ULK4: variants seen among roughly 807,000 people sequenced by gnomAD.
The protein encoded by ULK4 is inactive serine/threonine-protein kinase ULK4.
In ULK4, 133 loss-of-function variants were observed where a neutral mutation model predicts 160.6. The ratio of observed to expected loss-of-function variants is 0.83; its 90% confidence interval spans 0.72 to 0.96. The LOEUF (loss-of-function observed/expected upper bound fraction) is 0.96, where lower values mean the gene tolerates loss of function less well. Among genes scored for constraint, ULK4 ranks in the 40% least tolerant of loss-of-function variants. The pLI is 0.00. For synonymous variants in ULK4, 534 were observed against 539.8 expected (o/e 0.99, Z 0.15); for missense variants, 1,580 against 1,499.5 (o/e 1.05, Z -0.89).
intron 32 of ULK4, among the ~76,000 whole-genome samples, chr3:41,554,087 T>G (rs1211069658): frequency 1.3e-5 from 2 of 152,158 alleles, no homozygotes; most frequent in African/African-American, 4.8e-5. Context: ...CATGTGAAAT[T>G]TGTCTTCCCA....
At position 41,266,338 on chromosome 3, in the gene ULK4, C is replaced by G. The variant is rs186591341; in HGVS notation, c.3679-16764G>C. On this transcript the variant is annotated intron_variant, in intron 35 of 36. Transcript: ENST00000301831. ...CAGCAGAGCTATGGTCCAACTGAAT[C>G]TCTAATGGGTGAAGCTGATTCTAGA... 1.3e-3 allele frequency among the ~76,000 whole-genome samples: 198 copies of G among 152,328 alleles called. 1 individual carries two copies. Among genetic ancestry groups the G allele is most frequent in the Middle Eastern group, 0.01 (3 of 294 alleles).
At chr3:41,789,389 A>G (rs770199900) in intron 21 of ULK4, among the ~76,000 whole-genome samples, 2 of 152,216 alleles carry the variant, frequency 1.3e-5, no homozygotes, top group Non-Finnish European at 2.9e-5. Flanking sequence ...AAGAAATGCC[A>G]GCATATAGGA....
At chr3:41,266,639 C>T (rs938501251) in intron 35 of ULK4, among the ~76,000 whole-genome samples, 3 of 152,090 alleles carry the variant, frequency 2.0e-5, no homozygotes, top group African/African-American at 7.2e-5. Context: ...GAAGATTATC[C>T]AAAAAGGCTG....
At chr3:41,639,839 T>C (rs2034111806) in intron 30 of ULK4, among the ~76,000 whole-genome samples, 2 of 152,196 alleles carry the variant, frequency 1.3e-5, no homozygotes, top group Non-Finnish European at 2.9e-5. Context: ...AATTAAGATG[T>C]TAATCTGATA....
chr3:41,447,188 A>G (rs1168763674), intron 34 of ULK4, among the ~76,000 whole-genome samples: 2 of 151,840 alleles, frequency 1.3e-5, no homozygotes, highest in South Asian at 2.1e-4. Context: ...TCCACATTCA[A>G]TTCTTTCTTC....
At chr3:41,473,212 T>A (rs972521428) in intron 32 of ULK4, among the ~76,000 whole-genome samples, 1 of 152,084 alleles carries the variant, frequency 6.6e-6, no homozygotes, top group African/African-American at 2.4e-5. Context: ...GCCACTTATA[T>A]TGAACACAGT....
chr3:41,573,414 C>T (rs1367701862), intron 31 of ULK4, among the ~76,000 whole-genome samples: 2 of 152,100 alleles, frequency 1.3e-5, no homozygotes. Flanking sequence ...AAGGTAAATG[C>T]CACTGAAAGA....
chr3:41,501,920 C>T (rs2085223445), intron 32 of ULK4, among the ~76,000 whole-genome samples: 1 of 152,168 alleles, frequency 6.6e-6, no homozygotes, highest in South Asian at 2.1e-4. Flanking sequence ...CTTTTCTGTA[C>T]TACACATATA....
At chr3:41,920,692 T>C (rs1699152080) in intron 5 of ULK4, among the ~76,000 whole-genome samples, 1 of 152,072 alleles carries the variant, frequency 6.6e-6, no homozygotes. Context: ...TCTCCAATGA[T>C]TTGGAAACAA....
chr3:41,292,310 A>T (rs2079582587), intron 35 of ULK4, among the ~76,000 whole-genome samples: 1 of 152,200 alleles, frequency 6.6e-6, no homozygotes, highest in Non-Finnish European at 1.5e-5. Context: ...TTCCCACTTA[A>T]TAAACAGAGG....
intron 35 of ULK4, among the ~76,000 whole-genome samples, chr3:41,390,202 G>A (rs2081925895): frequency 6.6e-6 from 1 of 152,066 alleles, no homozygotes. Context: ...GTATTTCTGT[G>A]GGATTGGTGG....
At chr3:41,666,609 G>A (rs891365201) in intron 29 of ULK4, among the ~76,000 whole-genome samples, 2 of 152,074 alleles carry the variant, frequency 1.3e-5, no homozygotes, top group African/African-American at 4.8e-5. Flanking sequence ...CGTGTACCCT[G>A]GATAACCAGC....
intron 25 of ULK4, among the ~76,000 whole-genome samples, chr3:41,709,389 G>A (rs943149490): frequency 1.3e-5 from 2 of 151,910 alleles, no homozygotes; most frequent in Non-Finnish European, 2.9e-5. Context: ...AGTTTGTTTG[G>A]TTTTGTTTTG....
intron 35 of ULK4, among the ~76,000 whole-genome samples, chr3:41,342,286 A>G (rs995036160): frequency 2.0e-5 from 3 of 152,196 alleles, no homozygotes; most frequent in African/African-American, 7.2e-5. Context: ...CAGAATGGAG[A>G]GGAAAAGGGC....
Position 41,809,919 on chromosome 3 carries a change from TACTC to T in ULK4, c.1848+9500_1848+9503del, listed in dbSNP as rs531058846. Among the ~76,000 whole-genome samples, 9 of 152,282 alleles carry T rather than the reference TACTC, an allele frequency of 5.9e-5. No homozygotes were observed. The South Asian group carries it at 8.3e-4, about 14-fold the overall frequency. ...TGATATTAGTATACAATAGAAAACA[TACTC>T]AATGAAAACATTAACAGTAAAAGAC... On this transcript the variant is annotated intron_variant, in intron 19 of 36. Transcript: ENST00000301831.
chr3:41,515,465 C>T (rs1011635009), intron 32 of ULK4, among the ~76,000 whole-genome samples: 1 of 151,980 alleles, frequency 6.6e-6, no homozygotes, highest in African/African-American at 2.4e-5. Context: ...GAGGTATTAG[C>T]CTGTTCTCAT....
chr3:41,895,703 C>T (rs2148785756), intron 15 of ULK4, 139 bp from the exon 16 acceptor site: 1 of 417,160 alleles, frequency 2.4e-6, no homozygotes, highest in Non-Finnish European at 4.3e-6. Flanking sequence ...ATGGTATTTA[C>T]TAAATTACAA....
At chr3:41,527,494 G>A (rs1270419165) in intron 32 of ULK4, among the ~76,000 whole-genome samples, 2 of 152,202 alleles carry the variant, frequency 1.3e-5, no homozygotes, top group Non-Finnish European at 2.9e-5. Flanking sequence ...AGAAAACTGA[G>A]GGACAGACAC....
intron 17 of ULK4, among the ~76,000 whole-genome samples, chr3:41,848,056 A>C (rs1164853602): frequency 6.6e-6 from 1 of 152,170 alleles, no homozygotes; most frequent in Non-Finnish European, 1.5e-5. Flanking sequence ...ATTATCTCTA[A>C]TTCTCTGCAT....
Sources: gnomAD v4.1 joint callset for allele counts (sites outside exome capture counted in the v4.1 genomes callset) on GRCh38, gnomAD v4.1.1 for gene constraint, MANE v1.5 for transcripts, NCBI Gene and HGNC (gene_info 2026-07-23, HGNC 2026-07-21) for gene names.